TNR: variants seen among roughly 807,000 people sequenced by gnomAD.
TNR encodes tenascin-R.
TNR carries 45 observed loss-of-function variants against 150.4 expected under a neutral mutation model. That is an observed-to-expected ratio of 0.30 (90% CI 0.24 to 0.38). The LOEUF (loss-of-function observed/expected upper bound fraction) is 0.38, where lower values mean the gene tolerates loss of function less well. TNR is among the 10% of genes least tolerant of loss of function. The pLI is 1.00. For missense variants in TNR, 1,544 were observed against 1,759.1 expected, an observed-to-expected ratio of 0.88 and a Z score of 2.19; for synonymous variants, 687 against 678.4, an observed-to-expected ratio of 1.01 and a Z score of -0.20.
intron 5 of TNR, 56 bp downstream of exon 5, chr1:175,396,488 C>T: frequency 4.4e-6 from 7 of 1,577,318 alleles, no homozygotes; most frequent in South Asian, 3.5e-5. Context: ...CATGAATGCC[C>T]ATGATCTCAT....
At chr1:175,337,754 G>C in intron 18 of TNR, 75 bp from the exon 19 acceptor site, 1 of 1,525,836 alleles carries the variant, frequency 6.6e-7, no homozygotes, top group Non-Finnish European at 8.9e-7. Context: ...GATCATAGAA[G>C]GTCTTAGCAG....
chr1:175,530,635 T>C (rs1251341700), intron 1 of TNR, among the ~76,000 whole-genome samples: 2 of 152,182 alleles, frequency 1.3e-5, no homozygotes, highest in African/African-American at 4.8e-5. Context: ...CATACAAACA[T>C]CATCATTTTT....
intron 2 of TNR, among the ~76,000 whole-genome samples, chr1:175,522,789 G>C (rs1345657158): frequency 6.6e-6 from 1 of 152,180 alleles, no homozygotes. Flanking sequence ...TCACAAAATT[G>C]TAAGTTCTGG....
At chr1:175,504,896 T>C (rs1417322793) in intron 2 of TNR, among the ~76,000 whole-genome samples, 1 of 151,996 alleles carries the variant, frequency 6.6e-6, no homozygotes, top group African/African-American at 2.4e-5. Flanking sequence ...AAGAAGAAAT[T>C]TGGACACAAG....
chr1:175,515,900 C>T (rs1184786484), intron 2 of TNR, among the ~76,000 whole-genome samples: 1 of 152,178 alleles, frequency 6.6e-6, no homozygotes, highest in Non-Finnish European at 1.5e-5. Context: ...GTATCCAGCT[C>T]ACTTGAAAAA....
intron 18 of TNR, among the ~76,000 whole-genome samples, chr1:175,338,785 T>G (rs2227162): frequency 6.6e-6 from 1 of 151,892 alleles, no homozygotes; most frequent in Non-Finnish European, 1.5e-5. Context: ...GCAACCTCAC[T>G]GAAAACCCTG....
chr1:175,639,828 T>C (rs558277866), intron 1 of TNR, among the ~76,000 whole-genome samples: 1 of 152,340 alleles, frequency 6.6e-6, no homozygotes, highest in Admixed American at 6.5e-5. Context: ...TCCTAGATAT[T>C]CATATAGTTC....
chr1:175,549,795 C>T (rs1660862998), intron 1 of TNR, among the ~76,000 whole-genome samples: 2 of 152,118 alleles, frequency 1.3e-5, no homozygotes, highest in Admixed American at 1.3e-4. Flanking sequence ...ATGAATTCTG[C>T]CATCAACCTG....
chr1:175,665,446 C>T (rs1037608686), intron 1 of TNR, among the ~76,000 whole-genome samples: 3 of 152,148 alleles, frequency 2.0e-5, no homozygotes, highest in African/African-American at 7.2e-5. Flanking sequence ...GAGGAGGAAG[C>T]TGGCACTTTT....
At chr1:175,415,663 A>G (rs1654409332) in intron 2 of TNR, among the ~76,000 whole-genome samples, 1 of 152,214 alleles carries the variant, frequency 6.6e-6, no homozygotes, top group Non-Finnish European at 1.5e-5. Context: ...GAGAAACCTC[A>G]GTGGGTGGTA....
chr1:175,400,050 T>TA (rs1362183305), intron 4 of TNR, among the ~76,000 whole-genome samples: 1 of 152,236 alleles, frequency 6.6e-6, no homozygotes, highest in Non-Finnish European at 1.5e-5. Flanking sequence ...ATGGTTCTTT[T>TA]ATCCTGCTGG....
At chr1:175,484,796 C>T (rs895529620) in intron 2 of TNR, among the ~76,000 whole-genome samples, 1 of 152,172 alleles carries the variant, frequency 6.6e-6, no homozygotes, top group Non-Finnish European at 1.5e-5. Flanking sequence ...ACTGGCAGGT[C>T]AGCTGTGGAT....
chr1:175,479,073 A>C (rs1238607738), intron 2 of TNR, among the ~76,000 whole-genome samples: 1 of 152,190 alleles, frequency 6.6e-6, no homozygotes, highest in Non-Finnish European at 1.5e-5. Context: ...GGTAGAAAAA[A>C]TTAAGGTTTA....
At chr1:175,735,649 C>A (rs904734793) in intron 1 of TNR, among the ~76,000 whole-genome samples, 8 of 152,132 alleles carry the variant, frequency 5.3e-5, no homozygotes, top group African/African-American at 1.9e-4. Flanking sequence ...AAAATTCAAA[C>A]AATTACTCTA....
chr1:175,471,844 T>C (rs569449184), intron 2 of TNR, among the ~76,000 whole-genome samples: 1 of 152,370 alleles, frequency 6.6e-6, no homozygotes, highest in South Asian at 2.1e-4. Context: ...TTTGACTCTT[T>C]TGCAATAACG....
chr1:175,594,990 C>A (rs1290070956), intron 1 of TNR, among the ~76,000 whole-genome samples: 2 of 151,506 alleles, frequency 1.3e-5, no homozygotes. Flanking sequence ...CATGGTGAAA[C>A]CCTGTCTCTA....
intron 1 of TNR, among the ~76,000 whole-genome samples, chr1:175,533,016 G>A (rs919120436): frequency 7.2e-5 from 11 of 152,212 alleles, no homozygotes; most frequent in African/African-American, 2.4e-4. Context: ...ATGCCACAAA[G>A]CAAGGATCAA....
chr1:175,436,948 C>T lies in TNR; in HGVS notation c.-63-30171G>A, dbSNP rs148352203. Among the ~76,000 whole-genome samples, 1,426 of 152,234 alleles carry T rather than the reference C, an allele frequency of 9.4e-3. 21 individuals carry two copies. Among genetic ancestry groups the T allele is most frequent in the African/African-American group, 0.033 (1,365 of 41,524 alleles). On this transcript the variant is annotated intron_variant, in intron 2 of 22. Transcript: ENST00000367674. Reference sequence around the variant, plus strand: ...ATAATAATGGGAGACTTTAACACCCCATTGTCAACATTAGACAGATCAACG... The same window carrying T: ...ATAATAATGGGAGACTTTAACACCCTATTGTCAACATTAGACAGATCAACG...
chr1:175,583,166 C>G (rs551245695), intron 1 of TNR, among the ~76,000 whole-genome samples: 1 of 152,306 alleles, frequency 6.6e-6, no homozygotes, highest in South Asian at 2.1e-4. Context: ...ACCTCAACCC[C>G]CTAGACTGCC....
Sources: allele counts gnomAD v4.1 joint callset (sites outside exome capture counted in the v4.1 genomes callset), GRCh38; gene constraint gnomAD v4.1.1; transcripts MANE v1.5; gene names NCBI Gene and HGNC (gene_info 2026-07-23, HGNC 2026-07-21).